Variants in USP37 observed in about 807,000 individuals in gnomAD.
The protein encoded by USP37 is ubiquitin specific peptidase 37, also known as ubiquitin carboxyl-terminal hydrolase 37.
USP37 carries 27 observed loss-of-function variants against 124.0 expected under a neutral mutation model. The observed-to-expected ratio is 0.22, with a 90% CI of 0.16 to 0.30. The LOEUF is 0.30. Ranked by LOEUF, USP37 falls within the 10% of genes least tolerant of loss-of-function variation. The pLI is 1.00. For synonymous variants in USP37, 365 were observed against 388.0 expected, an observed-to-expected ratio of 0.94 and a Z score of 0.70; for missense variants, 889 against 1,140.4, an observed-to-expected ratio of 0.78 and a Z score of 3.17.
chr2:218,454,998 G>A lies in USP37; in HGVS notation c.2872C>T (p.Leu958=). 6.2e-7 allele frequency: 1 copy of A among 1,613,942 alleles called. No homozygotes were observed. Among genetic ancestry groups the A allele is most frequent in the Admixed American group, 1.7e-5 (1 of 59,988 alleles). The change falls in exon 26 of 26, where the codon CTG becomes TTG. Residue 958 remains leucine, a synonymous_variant. Coordinates refer to ENST00000258399, the MANE Select transcript of USP37 (RefSeq NM_020935.3). ...YMHKEIFDEL[L]ETEKNSQSLS... ...GACTGAGAGTTCTTTTCTGTTTCCA[G>A]CAGCTCATCAAAGATCTCCCTTAAG...
chr2:218,476,708 G>A (rs927034823), intron 19 of USP37, 132 bp downstream of exon 19: 1 of 1,040,056 alleles, frequency 9.6e-7, no homozygotes, highest in African/African-American at 1.7e-5. Context: ...TCTGTAAACA[G>A]ACTGATTTCT....
chr2:218,500,839 A>G (rs1348076517), intron 11 of USP37: 1 of 151,562 alleles, frequency 6.6e-6, no homozygotes, highest in African/African-American at 2.5e-5. Context: ...GAGTGCAGCT[A>G]CTCGTATACT....
rs1239287718 is a variant in USP37 at position 218,510,004 on chromosome 2, A to C, written c.1000T>G (p.Ser334Ala). The C allele has an allele frequency of 8.2e-6, 13 of 1,585,222 alleles. No homozygotes were observed. Among genetic ancestry groups the C allele is most frequent in the African/African-American group, 1.3e-5 (1 of 74,428 alleles). Residue 334 changes from serine (S) to alanine (A), a missense_variant, in exon 11 of 26, where the codon TCT becomes GCT. Physicochemically the swap from Ser to Ala is moderately conservative, Grantham distance 99. This residue lies in a region of USP37 where 374 missense variants were observed against 386.0 expected (regional missense o/e 0.97). Transcript: ENST00000258399. ...CCCTGCAGTTGCTGCTGTTGGTGAG[A>C]GGAAAGGGGCACTCTTGGTTTATTC... ...GWNKPRVPLSSHQQQQLQGFS... is the reference protein window; with the variant it reads ...GWNKPRVPLSAHQQQQLQGFS...
intron 10 of USP37, 109 bp downstream of exon 10, chr2:218,529,847 A>T: frequency 1.2e-6 from 1 of 806,730 alleles, no homozygotes; most frequent in Non-Finnish European, 1.9e-6. Context: ...CAATTTTGTT[A>T]AATTATCATA....
chr2:218,456,335 C>G (rs1689697409), intron 24 of USP37, among the ~76,000 whole-genome samples: 1 of 151,746 alleles, frequency 6.6e-6, no homozygotes, highest in African/African-American at 2.4e-5. Flanking sequence ...CGTGTAGTCG[C>G]AGCTACTCAG....
At chr2:218,504,099 G>A (rs112210689) in intron 11 of USP37, among the ~76,000 whole-genome samples, 1,945 of 152,242 alleles carry the variant, frequency 0.013, 46 homozygotes, top group African/African-American at 0.045. Context: ...AATCCTAAAT[G>A]TGTATGTGCC....
At chr2:218,566,418 G>T (rs1281198184) in intron 1 of USP37, among the ~76,000 whole-genome samples, 1 of 152,208 alleles carries the variant, frequency 6.6e-6, no homozygotes, top group Non-Finnish European at 1.5e-5. Flanking sequence ...TATCCTAAAT[G>T]TAACAAGCAC....
At chr2:218,466,223 G>C (rs1320591214) in intron 20 of USP37, 47 bp from the exon 21 acceptor site, 3 of 1,547,060 alleles carry the variant, frequency 1.9e-6, no homozygotes, top group Non-Finnish European at 2.6e-6. Context: ...CTAATAAATG[G>C]AAATTTCTGA....
At chr2:218,540,904 T>C (rs1305128926) in intron 8 of USP37, among the ~76,000 whole-genome samples, 1 of 152,154 alleles carries the variant, frequency 6.6e-6, no homozygotes, top group African/African-American at 2.4e-5. Context: ...GGAGGTACAA[T>C]GACAGCATAT....
Position 218,495,768 on chromosome 2 carries a change from A to T in USP37, c.1464T>A (p.Ile488=). Reference sequence around the variant, plus strand: ...TCTTAGACACTACTTACGCTTTACAAATGATGGAGTGCTGAACCTCAAACT... The same window carrying T: ...TCTTAGACACTACTTACGCTTTACATATGATGGAGTGCTGAACCTCAAACT... ...NLEFEVQHSI[I]CKACGEIIPK... The change falls in exon 14 of 26, where the codon ATT becomes ATA. Residue 488 remains isoleucine (I), a synonymous_variant. Transcript: ENST00000258399. 6.2e-7 allele frequency: 1 copy of T among 1,608,546 alleles called. No homozygotes were observed. Among genetic ancestry groups the T allele is most frequent in the Non-Finnish European group, 8.5e-7 (1 of 1,178,800 alleles).
At chr2:218,455,431 A>G in intron 25 of USP37, 149 bp downstream of exon 25, 2 of 968,788 alleles carry the variant, frequency 2.1e-6, no homozygotes, top group Non-Finnish European at 3.0e-6. Context: ...GGAAATATCA[A>G]GAGATAGACC....
At chr2:218,524,020 G>A (rs1394564935) in intron 10 of USP37, among the ~76,000 whole-genome samples, 1 of 152,064 alleles carries the variant, frequency 6.6e-6, no homozygotes, top group African/African-American at 2.4e-5. Flanking sequence ...CTAAAAGTAG[G>A]TATCATCAAT....
Position 218,553,566 on chromosome 2 carries a change from G to A in USP37, c.315C>T (p.Asn105=). 1 of 1,613,284 alleles carries A rather than the reference G, an allele frequency of 6.2e-7. No individual in the cohort carries two copies. Among genetic ancestry groups the A allele is most frequent in the East Asian group, 2.2e-5 (1 of 44,858 alleles). Residue 105 remains asparagine (N), a synonymous_variant, in exon 5 of 26, where the codon AAC becomes AAT. Coordinates refer to ENST00000258399, the MANE Select transcript of USP37 (RefSeq NM_020935.3). ...ATTAGTACTCACCTGCAGGAAGTCT[G>A]TTTTGATGGACTGCATCTAGAAACA... ...MRLFLDAVHQ[N]RLPAAMKPSQ...
Position 218,453,537 on chromosome 2 carries a change from C to G in USP37, c.*1393G>C, listed in dbSNP as rs1689552026. 1 of 152,060 alleles carries G rather than the reference C, an allele frequency of 6.6e-6. No individual in the cohort carries two copies. The highest frequency in any genetic ancestry group is 2.4e-5 in the African/African-American group (1 of 41,404). The allele number at this position is 152,060 out of a possible 1,614,324, so 9.4% of individuals were successfully genotyped here. A position where few individuals can be genotyped will look rare whatever the true frequency, so the allele number is the denominator to read the frequency against. On this transcript the variant is annotated 3_prime_UTR_variant, in exon 26 of 26. Coordinates refer to ENST00000258399, the MANE Select transcript of USP37 (RefSeq NM_020935.3). ...TTTCTATATTTAACTCTGTGTGATCCTAATGATATCTGGGCTCACAAAATT... is the reference window on the plus strand; with the variant it reads ...TTTCTATATTTAACTCTGTGTGATCGTAATGATATCTGGGCTCACAAAATT...
intron 19 of USP37, 184 bp from the exon 20 acceptor site, chr2:218,475,069 A>G (rs1026223985): frequency 6.6e-6 from 3 of 457,500 alleles, no homozygotes; most frequent in African/African-American, 4.0e-5. Context: ...TAATAAATAC[A>G]TAAGAATACA....
At chr2:218,510,919 T>C (rs1418777676) in intron 10 of USP37, among the ~76,000 whole-genome samples, 1 of 151,954 alleles carries the variant, frequency 6.6e-6, no homozygotes, top group East Asian at 1.9e-4. Context: ...TGATTGAGCC[T>C]GGGAGGCAGA....
At chr2:218,474,005 T>C (rs1452795764) in intron 20 of USP37, among the ~76,000 whole-genome samples, 1 of 152,214 alleles carries the variant, frequency 6.6e-6, no homozygotes, top group Non-Finnish European at 1.5e-5. Context: ...TGGTAAGTAG[T>C]TGTGTATCTA....
At chr2:218,544,426 TATATAGAG>T (rs1454465857) in intron 8 of USP37, among the ~76,000 whole-genome samples, 991 of 47,688 alleles carry the variant, frequency 0.021, 12 homozygotes, top group South Asian at 0.041. Context: ...TATATATATA[TATATAGAG>T]AGAGAGAGAG....
chr2:218,459,702 T>G, intron 23 of USP37, 88 bp downstream of exon 23: 1 of 1,010,530 alleles, frequency 9.9e-7, no homozygotes, highest in South Asian at 1.5e-5. Context: ...GAACCTGCAG[T>G]GGACACTGAA....
Sources: gnomAD v4.1 joint callset for allele counts (sites outside exome capture counted in the v4.1 genomes callset) on GRCh38, gnomAD v4.1.1 for gene constraint, gnomAD v4.1.1 regional missense constraint, MANE v1.5 for transcripts, NCBI Gene and HGNC (gene_info 2026-07-23, HGNC 2026-07-21) for gene names.